CCDC33: variants seen among roughly 807,000 people sequenced by gnomAD.
The protein encoded by CCDC33 is coiled-coil domain containing 33, also known as coiled-coil domain-containing protein 33.
In CCDC33, 94 loss-of-function variants were observed where a neutral mutation model predicts 91.9. The ratio of observed to expected loss-of-function variants is 1.02; its 90% CI spans 0.87 to 1.21. The LOEUF (loss-of-function observed/expected upper bound fraction) is 1.21. Among genes scored for constraint, CCDC33 ranks in the 50% most tolerant of loss-of-function variants. The pLI, the probability that CCDC33 is intolerant of heterozygous loss-of-function variation, is 0.00. For synonymous variants in CCDC33, 396 were observed against 374.5 expected, an observed-to-expected ratio of 1.06 and a Z score of -0.66; for missense variants, 940 against 935.5, an observed-to-expected ratio of 1.00 and a Z score of -0.06.
At chr15:74,207,974 T>G in intron 1 of CCDC33, 1 of 1,426,156 alleles carries the variant, frequency 7.0e-7, no homozygotes, top group Non-Finnish European at 9.2e-7. Flanking sequence ...TCCCCTGCCA[T>G]GTGGGAGGGT....
intron 7 of CCDC33, among the ~76,000 whole-genome samples, chr15:74,275,861 G>T (rs2076435957): frequency 6.6e-6 from 1 of 152,162 alleles, no homozygotes; most frequent in Non-Finnish European, 1.5e-5. Context: ...TAGAGATAGG[G>T]TTCAACCATG....
rs768301602 is a variant in CCDC33 at position 74,336,100 on chromosome 15, C to T, written c.*47C>T. On this transcript the variant is annotated 3_prime_UTR_variant, in exon 19 of 19. Transcript: ENST00000398814. ...CCTGTGTGCTGGGGAGTCTCATCAC[C>T]GCCCCCTAAAAATGACGTTATTAAA... is the stretch of plus-strand genomic sequence containing the variant. 21 of 1,597,292 alleles carry T rather than the reference C, an allele frequency of 1.3e-5. No individual in the cohort carries two copies. Among genetic ancestry groups the T allele is most frequent in the Admixed American group, 1.0e-4 (6 of 57,722 alleles).
chr15:74,274,845 C>T (rs1348190357), intron 7 of CCDC33, among the ~76,000 whole-genome samples: 5 of 152,234 alleles, frequency 3.3e-5, no homozygotes, highest in Non-Finnish European at 7.3e-5. Flanking sequence ...GGGACCCGGT[C>T]CAGCAATGGC....
At chr15:74,223,991 G>T (rs1374342060) in intron 2 of CCDC33, among the ~76,000 whole-genome samples, 1 of 152,108 alleles carries the variant, frequency 6.6e-6, no homozygotes, top group African/African-American at 2.4e-5. Context: ...AACACACTCT[G>T]CCCCAGGCAG....
At chr15:74,308,358 GACACAC>G (rs3057604) in intron 11 of CCDC33, among the ~76,000 whole-genome samples, 1 of 145,902 alleles carries the variant, frequency 6.9e-6, no homozygotes, top group African/African-American at 2.6e-5. Context: ...CAGACAGACA[GACACAC>G]ACACACACAC....
chr15:74,234,961 C>G (rs556682558), upstream of CCDC33, among the ~76,000 whole-genome samples: 101 of 152,364 alleles, frequency 6.6e-4, no homozygotes, highest in Admixed American at 2.8e-3. Context: ...CTCCCCACCC[C>G]CTGAACCTGC....
intron 2 of CCDC33, among the ~76,000 whole-genome samples, chr15:74,229,730 A>G (rs1372424779): frequency 6.6e-6 from 1 of 152,224 alleles, no homozygotes; most frequent in East Asian, 1.9e-4. Context: ...AGGCTGAAGT[A>G]GCAGGAAGGA....
intron 10 of CCDC33, among the ~76,000 whole-genome samples, chr15:74,282,746 G>A (rs1007108076): frequency 6.6e-6 from 1 of 152,138 alleles, no homozygotes; most frequent in Non-Finnish European, 1.5e-5. Flanking sequence ...AGACACCCAG[G>A]GCTAAGCCCT....
rs1401543138 is a variant in CCDC33, at chr15:74,217,358, GTT to G, written c.88_89del (p.Phe30ArgfsTer8). ...CCGAGGAGAAGACGCTGGATCTGGA[GTT>G]CGAAGTTTTGAGCGTGGGGTTTAAT... is the stretch of plus-strand genomic sequence containing the variant. On this transcript the variant is annotated frameshift_variant, in exon 1 of 3. Coordinates refer to the CCDC33 transcript ENST00000635913. LOFTEE classifies it high-confidence loss of function. The G allele has an allele frequency of 7.8e-7, 1 of 1,290,022 alleles. No homozygotes were observed. Among genetic ancestry groups the G allele is most frequent in the African/African-American group, 1.5e-5 (1 of 65,872 alleles). 79.9% of individuals were successfully genotyped at this position (1,290,022 alleles called of 1,614,324 possible). A position where few individuals can be genotyped will look rare whatever the true frequency, so the allele number is the denominator to read the frequency against.
At chr15:74,267,395 C>T (rs2076194219) in intron 4 of CCDC33, among the ~76,000 whole-genome samples, 1 of 152,224 alleles carries the variant, frequency 6.6e-6, no homozygotes, top group Non-Finnish European at 1.5e-5. Flanking sequence ...GAATGCACCC[C>T]TGGAGTGAGC....
intron 2 of CCDC33, among the ~76,000 whole-genome samples, chr15:74,249,358 G>A (rs2075631478): frequency 6.6e-6 from 1 of 152,000 alleles, no homozygotes; most frequent in African/African-American, 2.4e-5. Flanking sequence ...TGTGGTGGCG[G>A]GTGCCTGTAG....
chr15:74,291,050 T>A (rs776396035), intron 10 of CCDC33, among the ~76,000 whole-genome samples: 1 of 151,352 alleles, frequency 6.6e-6, no homozygotes, highest in Non-Finnish European at 1.5e-5. Context: ...TGCTTTGGGA[T>A]TAACCCTCTA....
chr15:74,313,415 C>CTTTTTTTTTTTTTTTTT (rs35519774), intron 11 of CCDC33, among the ~76,000 whole-genome samples: 5 of 94,182 alleles, frequency 5.3e-5, no homozygotes, highest in Non-Finnish European at 7.7e-5. Flanking sequence ...TTCTTTCTTT[C>CTTTTTTTTTTTTTTTTT]TTTTTTTTTT....
chr15:74,209,114 C>T (rs1395007212), intron 1 of CCDC33: 19 of 1,319,946 alleles, frequency 1.4e-5, no homozygotes, highest in East Asian at 3.1e-5. Flanking sequence ...CCCTTGATTC[C>T]GGGATCAGAG....
chr15:74,237,424 C>T (rs1279858298), intron 1 of CCDC33, among the ~76,000 whole-genome samples: 1 of 152,176 alleles, frequency 6.6e-6, no homozygotes, highest in African/African-American at 2.4e-5. Context: ...ATGGTGTTAA[C>T]CCACAGGGAT....
chr15:74,266,403 T>C (rs1218413803), intron 3 of CCDC33, among the ~76,000 whole-genome samples: 4 of 152,214 alleles, frequency 2.6e-5, no homozygotes, highest in Admixed American at 6.5e-5. Context: ...TGTGTGTCTA[T>C]CTCTGACCTG....
chr15:74,261,082 A>T (rs1412696930), intron 2 of CCDC33, among the ~76,000 whole-genome samples: 3 of 152,092 alleles, frequency 2.0e-5, no homozygotes, highest in African/African-American at 7.2e-5. Flanking sequence ...TGGGATTTGG[A>T]ACCCAAAATG....
At chr15:74,331,324 T>A in intron 15 of CCDC33, 28 bp downstream of exon 15, 1 of 1,608,540 alleles carries the variant, frequency 6.2e-7, no homozygotes, top group Non-Finnish European at 8.5e-7. Flanking sequence ...TGTGATCAGC[T>A]CCCCAGCTTC....
chr15:74,335,333 GAA>G (rs1324077898), intron 18 of CCDC33: 6 of 603,292 alleles, frequency 9.9e-6, no homozygotes, highest in Admixed American at 2.9e-5. Flanking sequence ...GGGGTGCTGT[GAA>G]ACTCAAGGAG....
Sources: allele counts gnomAD v4.1 joint callset (sites outside exome capture counted in the v4.1 genomes callset), GRCh38; gene constraint gnomAD v4.1.1; transcripts MANE v1.5; gene names NCBI Gene and HGNC (gene_info 2026-07-23, HGNC 2026-07-21).